PEX5L: variants seen among roughly 807,000 people sequenced by gnomAD.
PEX5L encodes peroxisomal biogenesis factor 5 like.
Under a neutral mutation model 84.0 loss-of-function variants are expected in PEX5L, and 30 were observed. That is an observed-to-expected ratio of 0.36 (90% CI 0.27 to 0.48). The LOEUF (loss-of-function observed/expected upper bound fraction) is 0.48, where lower values mean the gene tolerates loss of function less well. Among genes scored for constraint, PEX5L ranks in the 20% least tolerant of loss-of-function variants. PEX5L has a pLI of 0.99. For missense variants in PEX5L, 533 were observed against 754.6 expected (o/e 0.71, Z 3.44); for synonymous variants, 270 against 283.1 (o/e 0.95, Z 0.46).
intron 8 of PEX5L, among the ~76,000 whole-genome samples, chr3:179,848,160 G>T (rs933068504): frequency 2.6e-5 from 4 of 152,020 alleles, no homozygotes; most frequent in African/African-American, 9.7e-5. Context: ...AAATTTTATA[G>T]AATACTGATG....
chr3:179,897,351 T>G (rs907829885), intron 3 of PEX5L, among the ~76,000 whole-genome samples: 3 of 152,160 alleles, frequency 2.0e-5, no homozygotes, highest in Non-Finnish European at 4.4e-5. Context: ...CATTTGCGAT[T>G]TTAAAACTGG....
At chr3:179,863,899 A>G (rs1218634014) in intron 7 of PEX5L, among the ~76,000 whole-genome samples, 2 of 152,010 alleles carry the variant, frequency 1.3e-5, no homozygotes, top group African/African-American at 4.8e-5. Flanking sequence ...TGTGGGAGGG[A>G]CCTGGTGGGA....
At chr3:179,877,185 A>G (rs1291323809) in intron 5 of PEX5L, among the ~76,000 whole-genome samples, 1 of 152,218 alleles carries the variant, frequency 6.6e-6, no homozygotes, top group African/African-American at 2.4e-5. Context: ...CACTTAGCAC[A>G]ATATCTTCAA....
chr3:179,801,667 A>G lies in PEX5L; in HGVS notation c.*161T>C. 1 of 625,914 alleles carries G rather than the reference A, an allele frequency of 1.6e-6. No homozygotes were observed. Among genetic ancestry groups the G allele is most frequent in the Non-Finnish European group, 2.8e-6 (1 of 353,190 alleles). The allele number at this position is 625,914 out of a possible 1,614,324, so 38.8% of individuals were successfully genotyped here. ...ACATTTTGTGCTTTTGGATCTGAAC[A>G]GAGACTGGGCATTGTCCACAGGAAT... On this transcript the variant is annotated 3_prime_UTR_variant, in exon 15 of 15. Coordinates refer to ENST00000467460, the MANE Select transcript of PEX5L (RefSeq NM_016559.3).
At chr3:179,814,136 C>A (rs1373807205) in intron 10 of PEX5L, among the ~76,000 whole-genome samples, 1 of 152,096 alleles carries the variant, frequency 6.6e-6, no homozygotes, top group African/African-American at 2.4e-5. Flanking sequence ...TTTAAAAATT[C>A]TAATATTTTG....
At chr3:179,864,541 G>T (rs1026747351) in intron 7 of PEX5L, among the ~76,000 whole-genome samples, 1 of 152,000 alleles carries the variant, frequency 6.6e-6, no homozygotes, top group Non-Finnish European at 1.5e-5. Context: ...AAGGTTGAGG[G>T]GTTTGGGAGA....
At position 179,795,867 on chromosome 3, in the gene PEX5L, AT is replaced by A. The variant is rs1297707777; in HGVS notation, c.*5960del. The A allele has an allele frequency of 6.6e-6, 1 of 152,142 alleles. No homozygotes were observed. Among genetic ancestry groups the A allele is most frequent in the African/African-American group, 2.4e-5 (1 of 41,374 alleles). 9.4% of individuals were successfully genotyped at this position (152,142 alleles called of 1,614,324 possible). On this transcript the variant is annotated 3_prime_UTR_variant, in exon 15 of 15. Coordinates refer to ENST00000467460, the MANE Select transcript of PEX5L (RefSeq NM_016559.3). ...TTACAGTTTGTAAAAAGTTTAATAA[AT>A]TAATCAGTTTTTTTTCAACCAATGT... is the stretch of plus-strand genomic sequence containing the variant.
At chr3:180,014,847 C>A (rs938884538) in intron 1 of PEX5L, among the ~76,000 whole-genome samples, 1 of 151,954 alleles carries the variant, frequency 6.6e-6, no homozygotes, top group Non-Finnish European at 1.5e-5. Flanking sequence ...ATGGTGATTT[C>A]GATCTTGCAA....
intron 1 of PEX5L, among the ~76,000 whole-genome samples, chr3:179,981,869 C>T (rs1304524928): frequency 6.6e-6 from 1 of 151,938 alleles, no homozygotes; most frequent in Non-Finnish European, 1.5e-5. Context: ...TGCTGTAGAG[C>T]ATCTAACAGG....
intron 2 of PEX5L, among the ~76,000 whole-genome samples, chr3:179,924,943 T>C (rs13071231): frequency 0.11 from 16,421 of 152,162 alleles, 1,165 homozygotes; most frequent in Non-Finnish European, 0.16. Context: ...ATAATAAGAT[T>C]ATTTATTTAT....
At chr3:179,813,972 G>A (rs1239352914) in intron 10 of PEX5L, among the ~76,000 whole-genome samples, 1 of 143,770 alleles carries the variant, frequency 7.0e-6, no homozygotes, top group Admixed American at 6.9e-5. Flanking sequence ...CACCGCGCCC[G>A]GCCATTTTTT....
chr3:179,947,907 C>T (rs1345454138), intron 2 of PEX5L, among the ~76,000 whole-genome samples: 5 of 151,820 alleles, frequency 3.3e-5, no homozygotes, highest in African/African-American at 1.2e-4. Flanking sequence ...AGTGTTTCAC[C>T]GTGTTAGCCA....
At chr3:179,839,856 T>C (rs1008684432) in intron 8 of PEX5L, among the ~76,000 whole-genome samples, 2 of 152,308 alleles carry the variant, frequency 1.3e-5, no homozygotes, top group African/African-American at 4.8e-5. Context: ...ATTATGGAAG[T>C]TCTTTTTGTT....
At chr3:179,875,599 G>A (rs1316176966) in intron 5 of PEX5L, 122 bp from the exon 6 acceptor site, 5 of 662,856 alleles carry the variant, frequency 7.5e-6, no homozygotes, top group African/African-American at 1.8e-5. Context: ...AATTAAGATT[G>A]AAAAATCTTA....
At chr3:180,023,432 G>A (rs1790598248) in intron 1 of PEX5L, among the ~76,000 whole-genome samples, 1 of 152,272 alleles carries the variant, frequency 6.6e-6, no homozygotes, top group South Asian at 2.1e-4. Context: ...CAAACAGCAC[G>A]TCCTCTGAAG....
intron 1 of PEX5L, among the ~76,000 whole-genome samples, chr3:180,008,137 C>T (rs933925841): frequency 2.6e-5 from 4 of 152,196 alleles, no homozygotes; most frequent in Non-Finnish European, 4.4e-5. Flanking sequence ...ACCCAAGTTA[C>T]CTATTGAATG....
At chr3:179,863,101 T>C (rs935685166) in intron 7 of PEX5L, among the ~76,000 whole-genome samples, 2 of 152,220 alleles carry the variant, frequency 1.3e-5, no homozygotes, top group African/African-American at 4.8e-5. Flanking sequence ...AACAGTGTCT[T>C]CAATAAATGG....
intron 8 of PEX5L, among the ~76,000 whole-genome samples, chr3:179,855,574 T>C (rs954396649): frequency 2.6e-5 from 4 of 152,174 alleles, no homozygotes; most frequent in Non-Finnish European, 5.9e-5. Context: ...TAACTATTGC[T>C]AACATTTGGG....
chr3:179,864,467 G>A (rs1747403592), intron 7 of PEX5L, among the ~76,000 whole-genome samples: 1 of 152,066 alleles, frequency 6.6e-6, no homozygotes, highest in African/African-American at 2.4e-5. Context: ...ACTTACATGT[G>A]GAATCGAAAA....
Sources: gnomAD v4.1 joint callset for allele counts (sites outside exome capture counted in the v4.1 genomes callset) on GRCh38, gnomAD v4.1.1 for gene constraint, MANE v1.5 for transcripts, NCBI Gene and HGNC (gene_info 2026-07-23, HGNC 2026-07-21) for gene names.